PRKN: variants seen among roughly 807,000 people sequenced by gnomAD.
PRKN encodes the protein parkin RBR E3 ubiquitin protein ligase, also known as E3 ubiquitin-protein ligase parkin.
Under a neutral mutation model 59.5 loss-of-function variants are expected in PRKN, and 56 were observed. That is an observed-to-expected ratio of 0.94 (90% CI 0.76 to 1.18). PRKN has a LOEUF of 1.18. PRKN is among the 50% of genes most tolerant of loss of function. PRKN has a pLI of 0.00. For synonymous variants in PRKN, 250 were observed against 222.1 expected (o/e 1.13, Z -1.12); for missense variants, 657 against 596.4 (o/e 1.10, Z -1.06).
chr6:161,704,809 T>C (rs1483276600), intron 7 of PRKN, among the ~76,000 whole-genome samples: 1 of 152,178 alleles, frequency 6.6e-6, no homozygotes, highest in Non-Finnish European at 1.5e-5. Flanking sequence ...CAATGATCTA[T>C]GCTTCCTCCT....
chr6:161,757,871 C>CTCTCTCTCTCTCTCTCTATG (rs1380898753), intron 7 of PRKN, among the ~76,000 whole-genome samples: 1 of 97,984 alleles, frequency 1.0e-5, no homozygotes, highest in Non-Finnish European at 1.9e-5. Context: ...CTCTCTCTCT[C>CTCTCTCTCTCTCTCTCTATG]TGTGTATATA....
chr6:162,238,240 G>C (rs7771463), intron 3 of PRKN, among the ~76,000 whole-genome samples: 27,653 of 152,090 alleles, frequency 0.18, 2,864 homozygotes, highest in South Asian at 0.35. Flanking sequence ...ACTCTCCATT[G>C]TGTTACAGTT....
At chr6:161,687,057 G>T (rs1562608168) in intron 7 of PRKN, among the ~76,000 whole-genome samples, 1 of 152,090 alleles carries the variant, frequency 6.6e-6, no homozygotes, top group Non-Finnish European at 1.5e-5. Flanking sequence ...TCATGTTTGG[G>T]TAGTAGAAAT....
rs1010352015 is a variant in PRKN, at chr6:161,754,698, G to A, written c.871+31074C>T. ...TCTCCCTTAGGGTCTCACCACTTCC[G>A]TGCAAAGATGACAAATATTGTGTAA... On this transcript the variant is annotated intron_variant, in intron 7 of 11. Transcript: ENST00000366898. 2.5e-4 allele frequency among the ~76,000 whole-genome samples: 38 copies of A among 152,088 alleles called. 1 individual carries two copies. The highest frequency in any genetic ancestry group is 2.1e-4 in the South Asian group (1 of 4,828).
At chr6:162,249,102 T>TG (rs1779321476) in intron 3 of PRKN, among the ~76,000 whole-genome samples, 1 of 152,084 alleles carries the variant, frequency 6.6e-6, no homozygotes, top group Non-Finnish European at 1.5e-5. Flanking sequence ...ATGGTCTCGA[T>TG]CTCTTGACCT....
At chr6:161,798,891 C>T (rs1790963365) in intron 6 of PRKN, among the ~76,000 whole-genome samples, 2 of 152,170 alleles carry the variant, frequency 1.3e-5, no homozygotes, top group African/African-American at 2.4e-5. Context: ...GGGTCAGGCG[C>T]CCCTCCACTG....
rs186561664 is a variant in PRKN at position 161,422,066 on chromosome 6, T to A, written c.1084-35189A>T. Among the ~76,000 whole-genome samples the A allele has an allele frequency of 2.0e-3, 304 of 152,244 alleles. 1 individual carries two copies. Among genetic ancestry groups the A allele is most frequent in the African/African-American group, 6.8e-3 (282 of 41,526 alleles). On this transcript the variant is annotated intron_variant, in intron 9 of 11. Transcript: ENST00000366898. ...AAGGAAAATATTTTTCAAGTTTTAC[T>A]CCAAGAAATCATTTGAGATAACTGT...
At chr6:161,862,401 A>T (rs1316173608) in intron 6 of PRKN, among the ~76,000 whole-genome samples, 1 of 152,214 alleles carries the variant, frequency 6.6e-6, no homozygotes. Context: ...TGGTGAAAGC[A>T]GTTTTCCTTC....
At chr6:162,142,403 G>C (rs1026954830) in intron 4 of PRKN, among the ~76,000 whole-genome samples, 2 of 152,086 alleles carry the variant, frequency 1.3e-5, no homozygotes, top group African/African-American at 2.4e-5. Context: ...AACTCTCTCT[G>C]CCTCAGTTTC....
chr6:161,685,657 G>A (rs572039660), intron 7 of PRKN, among the ~76,000 whole-genome samples: 33 of 152,262 alleles, frequency 2.2e-4, no homozygotes, highest in African/African-American at 2.4e-4. Context: ...AGCCAAGTAC[G>A]AGCCTGAGGC....
At chr6:162,209,546 C>T (rs561741299) in intron 3 of PRKN, among the ~76,000 whole-genome samples, 41 of 152,222 alleles carry the variant, frequency 2.7e-4, no homozygotes, top group Non-Finnish European at 4.3e-4. Flanking sequence ...GACAGTGCAG[C>T]GATTCCTCAA....
intron 10 of PRKN, among the ~76,000 whole-genome samples, chr6:161,381,807 C>A (rs1417622281): frequency 6.6e-6 from 1 of 152,126 alleles, no homozygotes; most frequent in African/African-American, 2.4e-5. Flanking sequence ...ACAAACCCTC[C>A]ACTAACAAAG....
At chr6:161,421,216 A>C (rs530452737) in intron 9 of PRKN, among the ~76,000 whole-genome samples, 170 of 152,254 alleles carry the variant, frequency 1.1e-3, no homozygotes, top group Middle Eastern at 6.8e-3. Context: ...CTTGATTTTG[A>C]ATTGATGCTT....
intron 9 of PRKN, among the ~76,000 whole-genome samples, chr6:161,476,224 CTG>C (rs1791075366): frequency 6.6e-6 from 1 of 151,906 alleles, no homozygotes; most frequent in Non-Finnish European, 1.5e-5. Flanking sequence ...AGTGTCCAAA[CTG>C]TTCATCAAAC....
intron 4 of PRKN, among the ~76,000 whole-genome samples, chr6:162,071,148 T>C (rs568772032): frequency 1.3e-5 from 2 of 151,598 alleles, no homozygotes; most frequent in Non-Finnish European, 2.9e-5. Flanking sequence ...ATTCGACATT[T>C]GCAGTTTAAT....
At position 161,579,369 on chromosome 6, in the gene PRKN, G is replaced by A. The variant is rs1781253681; in HGVS notation, c.872-9953C>T. ...TAAATAGGGTCTAGAGGGTCAGCGG[G>A]GCACCTAATTATCATGGTTAATGAG... On this transcript the variant is annotated intron_variant, in intron 7 of 11. Transcript: ENST00000366898. The surrounding 1 kb of genome is among the most constrained non-coding windows in gnomAD (Gnocchi z 4.2). Among the ~76,000 whole-genome samples, 3 of 152,162 alleles carry A rather than the reference G, an allele frequency of 2.0e-5. No individual in the cohort carries two copies. In the South Asian group the frequency reaches 6.2e-4, roughly 32 times the overall value.
chr6:162,037,260 T>C (rs1427429908), intron 5 of PRKN, among the ~76,000 whole-genome samples: 1 of 152,174 alleles, frequency 6.6e-6, no homozygotes, highest in Admixed American at 6.5e-5. Context: ...GCCTATAAAC[T>C]TATCAATGCA....
At chr6:162,430,557 T>C (rs554308885) in intron 2 of PRKN, among the ~76,000 whole-genome samples, 11 of 151,254 alleles carry the variant, frequency 7.3e-5, no homozygotes, top group Non-Finnish European at 1.3e-4. Flanking sequence ...ATCAGTTGTA[T>C]AAATACAGAA....
intron 10 of PRKN, among the ~76,000 whole-genome samples, chr6:161,382,561 T>G (rs1786043886): frequency 1.3e-5 from 2 of 152,216 alleles, no homozygotes; most frequent in East Asian, 1.9e-4. Context: ...AGAGCAAGTG[T>G]GTAGTTATTA....
Sources: allele counts gnomAD v4.1 joint callset (sites outside exome capture counted in the v4.1 genomes callset), GRCh38; gene constraint gnomAD v4.1.1; non-coding constraint Gnocchi (gnomAD v3.1); transcripts MANE v1.5; gene names NCBI Gene and HGNC (gene_info 2026-07-23, HGNC 2026-07-21).